Variants in TTLL7 observed in about 807,000 individuals in gnomAD.
TTLL7 encodes the protein tubulin tyrosine ligase like 7, also known as tubulin polyglutamylase TTLL7.
Under a neutral mutation model 120.2 loss-of-function variants are expected in TTLL7, and 53 were observed. That is an observed-to-expected ratio of 0.44 (90% CI 0.35 to 0.55). TTLL7 has a LOEUF of 0.55. TTLL7 is among the 20% of genes least tolerant of loss of function. The pLI, the probability that TTLL7 is intolerant of heterozygous loss-of-function variation, is 0.00. For synonymous variants in TTLL7, 353 were observed against 351.7 expected, an observed-to-expected ratio of 1.00 and a Z score of -0.04; for missense variants, 803 against 1,054.7, an observed-to-expected ratio of 0.76 and a Z score of 3.31.
In TTLL7 at chr1:83,999,071, C is replaced by G. The variant is rs961177506; in HGVS notation, c.-317G>C. The G allele has an allele frequency of 4.5e-6, 2 of 445,870 alleles. No homozygotes were observed. The highest frequency in any genetic ancestry group is 4.1e-5 in the African/African-American group (2 of 48,580). The allele number at this position is 445,870 out of a possible 1,614,324, so 27.6% of individuals were successfully genotyped here. A position where few individuals can be genotyped will look rare whatever the true frequency, so the allele number is the denominator to read the frequency against. ...TGGTGGTCCGGTGCTCTCCTCCGCCCGCCCACCGCCCGTGGCAGCCACGGC... is the reference window on the plus strand; with the variant it reads ...TGGTGGTCCGGTGCTCTCCTCCGCCGGCCCACCGCCCGTGGCAGCCACGGC... On this transcript the variant is annotated 5_prime_UTR_variant, in exon 1 of 21. Transcript: ENST00000260505.
intron 1 of TTLL7, among the ~76,000 whole-genome samples, chr1:83,977,076 T>TATACTTTGATACATATATACTTTG (rs1651557380): frequency 6.6e-6 from 1 of 151,842 alleles, no homozygotes; most frequent in African/African-American, 2.4e-5. Flanking sequence ...AAATAGTATA[T>TATACTTTGATACATATATACTTTG]ATACATATAT....
chr1:83,932,523 A>C (rs1198758708), intron 9 of TTLL7, among the ~76,000 whole-genome samples: 1 of 152,064 alleles, frequency 6.6e-6, no homozygotes, highest in Admixed American at 6.6e-5. Flanking sequence ...TTGGAGACAC[A>C]ATACATGTTA....
rs111205056 is a variant in TTLL7, at chr1:83,892,383, T to C, written c.2209-1902A>G. 5.0e-3 allele frequency among the ~76,000 whole-genome samples: 147 copies of C among 29,410 alleles called. 12 individuals carry two copies. The highest frequency in any genetic ancestry group is 0.017 in the African/African-American group (129 of 7,428). 19.3% of individuals were successfully genotyped at this position (29,410 alleles called of 152,430 possible). A position where few individuals can be genotyped will look rare whatever the true frequency, so the allele number is the denominator to read the frequency against. On this transcript the variant is annotated intron_variant, in intron 18 of 20. Coordinates refer to ENST00000260505, the MANE Select transcript of TTLL7 (RefSeq NM_024686.6). ...GAATATATATACGAATATATATGAA[T>C]ATATATACGAATATATATGAACATA...
At chr1:83,873,954 T>G (rs1653680663) in intron 20 of TTLL7, among the ~76,000 whole-genome samples, 1 of 152,118 alleles carries the variant, frequency 6.6e-6, no homozygotes, top group Non-Finnish European at 1.5e-5. Context: ...TTTTAAAATA[T>G]TTATATTATA....
intron 18 of TTLL7, among the ~76,000 whole-genome samples, chr1:83,896,361 A>G (rs145943232): frequency 2.0e-4 from 30 of 152,236 alleles, no homozygotes; most frequent in East Asian, 1.9e-3. Flanking sequence ...TGTGAAATAT[A>G]GCACATTTGA....
chr1:83,941,650 T>C (rs1647977950), intron 7 of TTLL7, among the ~76,000 whole-genome samples: 1 of 152,228 alleles, frequency 6.6e-6, no homozygotes, highest in Non-Finnish European at 1.5e-5. Context: ...AACAATTAAT[T>C]GTAATTTTAA....
At chr1:83,891,123 G>A (rs1480399997) in intron 18 of TTLL7, among the ~76,000 whole-genome samples, 1 of 151,892 alleles carries the variant, frequency 6.6e-6, no homozygotes, top group Non-Finnish European at 1.5e-5. Context: ...AATAGATTTT[G>A]ATTATATAAA....
At chr1:83,924,336 C>T (rs1421625833) in intron 10 of TTLL7, among the ~76,000 whole-genome samples, 3 of 152,060 alleles carry the variant, frequency 2.0e-5, no homozygotes, top group Non-Finnish European at 4.4e-5. Context: ...ACGAATGTGC[C>T]GACAAAATAT....
intron 8 of TTLL7, among the ~76,000 whole-genome samples, chr1:83,936,938 C>A (rs1320394636): frequency 2.6e-5 from 4 of 152,060 alleles, no homozygotes; most frequent in African/African-American, 9.7e-5. Flanking sequence ...ATCCAGAGAC[C>A]ACTTCACTCC....
chr1:83,887,141 G>C, intron 19 of TTLL7: 1 of 760,160 alleles, frequency 1.3e-6, no homozygotes, highest in Non-Finnish European at 1.7e-6. Flanking sequence ...CATTACTCTG[G>C]TGTTTCTGGA....
intron 19 of TTLL7, chr1:83,889,838 G>A: frequency 2.3e-6 from 1 of 442,904 alleles, no homozygotes; most frequent in Non-Finnish European, 4.6e-6. Flanking sequence ...GGAAGATGCA[G>A]ATGCCCCTGT....
intron 1 of TTLL7, among the ~76,000 whole-genome samples, chr1:83,967,328 A>G (rs2389646): frequency 1.9e-5 from 1 of 53,040 alleles, no homozygotes; most frequent in Non-Finnish European, 6.9e-5. Flanking sequence ...CAGTTCTCAA[A>G]CTTGAATGTG....
chr1:83,994,067 A>G lies in TTLL7; in HGVS notation c.-177+4864T>C, dbSNP rs571715949. ...ACAAACTTTTCAATAATAGGTTTCA[A>G]CTAAGCACAGGACAAATTCTGCCTA... On this transcript the variant is annotated intron_variant, in intron 1 of 20. Coordinates refer to ENST00000260505, the MANE Select transcript of TTLL7 (RefSeq NM_024686.6). Among the ~76,000 whole-genome samples, 3 of 152,360 alleles carry G rather than the reference A, an allele frequency of 2.0e-5. No individual in the cohort carries two copies. In the East Asian group the frequency reaches 5.8e-4, roughly 29 times the overall value.
intron 8 of TTLL7, among the ~76,000 whole-genome samples, chr1:83,934,361 A>G (rs576513619): frequency 6.6e-6 from 1 of 152,352 alleles, no homozygotes; most frequent in Non-Finnish European, 1.5e-5. Flanking sequence ...GATGAGGGTG[A>G]CAGGAAGGAA....
At chr1:83,951,066 T>C (rs1291478247) in intron 3 of TTLL7, among the ~76,000 whole-genome samples, 3 of 151,920 alleles carry the variant, frequency 2.0e-5, no homozygotes, top group African/African-American at 4.8e-5. Context: ...AGAAGGAACG[T>C]AGGCTGGGCA....
chr1:83,926,621 C>T (rs1195247647), intron 10 of TTLL7, among the ~76,000 whole-genome samples: 1 of 152,158 alleles, frequency 6.6e-6, no homozygotes, highest in Non-Finnish European at 1.5e-5. Flanking sequence ...GTTAAGTAAA[C>T]TCAGAGACTA....
intron 1 of TTLL7, among the ~76,000 whole-genome samples, chr1:83,968,696 G>A (rs139131867): frequency 6.6e-6 from 1 of 152,078 alleles, no homozygotes; most frequent in African/African-American, 2.4e-5. Context: ...TTCCTACATG[G>A]AGTACTCATC....
At chr1:83,948,887 C>T (rs1648762160) in intron 4 of TTLL7, 192 bp from the exon 5 acceptor site, 1 of 417,098 alleles carries the variant, frequency 2.4e-6, no homozygotes, top group South Asian at 6.1e-5. Flanking sequence ...GAGAATAAAA[C>T]TGCAAAATTT....
intron 18 of TTLL7, among the ~76,000 whole-genome samples, chr1:83,892,934 G>GAAAAGAAAGGAAGAAAGAAAGAA (rs1204984230): frequency 8.8e-6 from 1 of 113,392 alleles, no homozygotes; most frequent in African/African-American, 4.3e-5. Flanking sequence ...AAAAGAGAAA[G>GAAAAGAAAGGAAGAAAGAAAGAA]AAAGAAAGAA....
Sources: gnomAD v4.1 joint callset for allele counts (sites outside exome capture counted in the v4.1 genomes callset) on GRCh38, gnomAD v4.1.1 for gene constraint, MANE v1.5 for transcripts, NCBI Gene and HGNC (gene_info 2026-07-23, HGNC 2026-07-21) for gene names.